COL22A1: variants seen among roughly 807,000 people sequenced by gnomAD.
COL22A1 encodes collagen alpha-1(XXII) chain.
A neutral mutation model predicts 248.9 loss-of-function variants in COL22A1; 221 were observed. The observed-to-expected ratio is 0.89, with a 90% CI of 0.80 to 0.99. The LOEUF is 0.99. COL22A1 is among the 50% of genes least tolerant of loss of function. The pLI is 0.00. For missense variants in COL22A1, 2,240 were observed against 2,179.0 expected (o/e 1.03, Z -0.56); for synonymous variants, 891 against 793.4 (o/e 1.12, Z -2.07).
intron 5 of COL22A1, among the ~76,000 whole-genome samples, chr8:138,829,948 A>G (rs1996602): frequency 0.54 from 81,285 of 151,858 alleles, 22,654 homozygotes; most frequent in East Asian, 0.67. Context: ...ATGTGTGTGT[A>G]TATATATATG....
At chr8:138,619,557 C>T (rs760728738) in intron 52 of COL22A1, 49 bp from the exon 53 acceptor site, 2 of 1,545,370 alleles carry the variant, frequency 1.3e-6, no homozygotes, top group Non-Finnish European at 1.8e-6. Flanking sequence ...TTGTAAGAAT[C>T]TTCCTATTCC....
rs540671868 is a variant in COL22A1, at chr8:138,588,420, C to T, written c.*833G>A. On this transcript the variant is annotated 3_prime_UTR_variant, in exon 65 of 65. Coordinates refer to ENST00000303045, the MANE Select transcript of COL22A1 (RefSeq NM_152888.3). ...AACACAAGTGGATGGTCACCACATC[C>T]ACTTGTTTTATAATTAATATAATTG... 2.0e-5 allele frequency: 3 copies of T among 152,322 alleles called. No individual in the cohort carries two copies. The highest frequency in any genetic ancestry group is 4.1e-4 in the South Asian group (2 of 4,824). 9.4% of individuals were successfully genotyped at this position (152,322 alleles called of 1,614,324 possible). A position where few individuals can be genotyped will look rare whatever the true frequency, so the allele number is the denominator to read the frequency against.
intron 45 of COL22A1, among the ~76,000 whole-genome samples, chr8:138,653,146 T>TTACTACA (rs1344832642): frequency 1.3e-5 from 2 of 152,166 alleles, no homozygotes; most frequent in Admixed American, 1.3e-4. Flanking sequence ...AACAAAATGC[T>TTACTACA]TACTACATGG....
Position 138,615,969 on chromosome 8 carries a change from A to T in COL22A1, c.3924+32T>A, listed in dbSNP as rs373959532. 10 of 1,581,490 alleles carry T rather than the reference A, an allele frequency of 6.3e-6. No individual in the cohort carries two copies. The African/African-American group carries it at 1.3e-4, about 21-fold the overall frequency. ...CCTTGATACACCCACCCCCAGCCCC[A>T]GCCCAGCCAGGTCCCACAGGACCCC... is the stretch of plus-strand genomic sequence containing the variant. On this transcript the variant is annotated intron_variant, in intron 55 of 64. Transcript: ENST00000303045.
At chr8:138,744,391 A>G (rs1249534508) in intron 22 of COL22A1, among the ~76,000 whole-genome samples, 1 of 152,062 alleles carries the variant, frequency 6.6e-6, no homozygotes, top group Non-Finnish European at 1.5e-5. Context: ...TCAGGTATTG[A>G]GGGTCCTAGA....
intron 16 of COL22A1, among the ~76,000 whole-genome samples, chr8:138,775,033 A>C (rs1196981669): frequency 6.6e-6 from 1 of 152,196 alleles, no homozygotes; most frequent in African/African-American, 2.4e-5. Context: ...CTATCTTTCA[A>C]ATATCTTAAA....
At chr8:138,693,215 T>A (rs1488195315) in intron 35 of COL22A1, among the ~76,000 whole-genome samples, 3 of 152,142 alleles carry the variant, frequency 2.0e-5, no homozygotes, top group Non-Finnish European at 4.4e-5. Flanking sequence ...TAGAGGTGTC[T>A]GTATGTTTTC....
chr8:138,656,077 C>T (rs980328470), intron 44 of COL22A1, 133 bp from the exon 45 acceptor site: 2 of 723,530 alleles, frequency 2.8e-6, no homozygotes, highest in Non-Finnish European at 4.7e-6. Context: ...GGGATACGGA[C>T]AGCCCAGTGG....
intron 12 of COL22A1, among the ~76,000 whole-genome samples, chr8:138,782,581 G>A (rs147614870): frequency 0.014 from 2,123 of 152,070 alleles, 24 homozygotes; most frequent in Middle Eastern, 0.027. Context: ...CAGGAGAATC[G>A]CTTGAACCAG....
intron 12 of COL22A1, among the ~76,000 whole-genome samples, chr8:138,791,848 A>T: frequency 6.6e-6 from 1 of 152,090 alleles, no homozygotes; most frequent in East Asian, 1.9e-4. Context: ...CCAAAATTCT[A>T]TCTACTGCTG....
At chr8:138,683,748 T>C (rs1367448745) in intron 39 of COL22A1, among the ~76,000 whole-genome samples, 1 of 152,080 alleles carries the variant, frequency 6.6e-6, no homozygotes, top group Non-Finnish European at 1.5e-5. Flanking sequence ...AAGACTCCCA[T>C]AGACCTAGTG....
intron 21 of COL22A1, among the ~76,000 whole-genome samples, chr8:138,753,869 C>A (rs1832792521): frequency 6.6e-6 from 1 of 152,198 alleles, no homozygotes; most frequent in Admixed American, 6.5e-5. Flanking sequence ...GCAGAGCTAG[C>A]TATCTTTAGC....
intron 39 of COL22A1, 81 bp downstream of exon 39, chr8:138,684,344 A>G: frequency 4.6e-6 from 4 of 873,088 alleles, no homozygotes; most frequent in South Asian, 3.9e-5. Flanking sequence ...AGGTAACCGG[A>G]GATGCTTATA....
intron 50 of COL22A1, among the ~76,000 whole-genome samples, chr8:138,626,814 CATTA>C (rs1820284106): frequency 6.6e-6 from 1 of 152,116 alleles, no homozygotes; most frequent in East Asian, 1.9e-4. Context: ...TACCAAATTT[CATTA>C]ATTAATATTT....
rs905503298 is a variant in COL22A1 at position 138,807,832 on chromosome 8, A to G, written c.1450-20T>C. The G allele has an allele frequency of 4.3e-6, 7 of 1,613,360 alleles. No individual in the cohort carries two copies. The highest frequency in any genetic ancestry group is 5.9e-6 in the Non-Finnish European group (7 of 1,179,422). On this transcript the variant is annotated intron_variant, in intron 9 of 64. Transcript: ENST00000303045. ...TTCACCCTAAAAGAAGAAAGACAACAAAAAAGTAAGTTTCTATTTTAATTT... is the reference window on the plus strand; with the variant it reads ...TTCACCCTAAAAGAAGAAAGACAACGAAAAAGTAAGTTTCTATTTTAATTT...
chr8:138,750,240 G>A (rs942925055), intron 22 of COL22A1, among the ~76,000 whole-genome samples: 1 of 152,162 alleles, frequency 6.6e-6, no homozygotes, highest in African/African-American at 2.4e-5. Flanking sequence ...TTTATTAGCA[G>A]CGTGAGAACA....
intron 33 of COL22A1, 107 bp from the exon 34 acceptor site, chr8:138,694,668 G>C: frequency 2.2e-6 from 3 of 1,387,342 alleles, no homozygotes; most frequent in Non-Finnish European, 3.0e-6. Flanking sequence ...TCCAAGGAGG[G>C]GACGTAGCTA....
rs369550007 is a variant in COL22A1 at position 138,716,887 on chromosome 8, C to T, written c.2356-18G>A. On this transcript the variant is annotated intron_variant, in intron 27 of 64. Coordinates refer to ENST00000303045, the MANE Select transcript of COL22A1 (RefSeq NM_152888.3). ...ATTTCTCCCTGAAAATGCAATAAAA[C>T]ATACCCCATTATTCTCCATTCACTT... 5 of 1,597,650 alleles carry T rather than the reference C, an allele frequency of 3.1e-6. No individual in the cohort carries two copies. Among genetic ancestry groups the T allele is most frequent in the Non-Finnish European group, 4.3e-6 (5 of 1,165,084 alleles).
intron 30 of COL22A1, among the ~76,000 whole-genome samples, chr8:138,707,862 G>T (rs1357781722): frequency 3.9e-5 from 6 of 152,168 alleles, no homozygotes; most frequent in Admixed American, 2.0e-4. Context: ...GTTTGCAGAT[G>T]ACATGATTGT....
Sources: allele counts gnomAD v4.1 joint callset (sites outside exome capture counted in the v4.1 genomes callset), GRCh38; gene constraint gnomAD v4.1.1; transcripts MANE v1.5; gene names NCBI Gene and HGNC (gene_info 2026-07-23, HGNC 2026-07-21).